LRCH1: variants seen among roughly 807,000 people sequenced by gnomAD.
LRCH1 encodes the protein leucine-rich repeat and calponin homology domain-containing protein 1.
In LRCH1, 23 loss-of-function variants were observed where a neutral mutation model predicts 94.9. The observed-to-expected ratio is 0.24, with a 90% CI of 0.17 to 0.34. The LOEUF is 0.34. Ranked by LOEUF, LRCH1 falls within the 10% of genes least tolerant of loss-of-function variation. The probability of loss-of-function intolerance (pLI) is 1.00; values close to 1 mark genes in which losing one functional copy is unlikely to be tolerated. For missense variants in LRCH1, 790 were observed against 945.9 expected (o/e 0.84, Z 2.16); for synonymous variants, 364 against 354.9 (o/e 1.03, Z -0.29).
intron 1 of LRCH1, among the ~76,000 whole-genome samples, chr13:46,641,368 A>G (rs2051156251): frequency 6.6e-6 from 1 of 152,182 alleles, no homozygotes; most frequent in African/African-American, 2.4e-5. Context: ...AAGAGGGTGG[A>G]GATAACAGAG....
chr13:46,640,888 G>A (rs1354294638), intron 1 of LRCH1, among the ~76,000 whole-genome samples: 8 of 152,218 alleles, frequency 5.3e-5, no homozygotes, highest in Admixed American at 5.2e-4. Flanking sequence ...TCACATTTCT[G>A]TTGTTTGACC....
At chr13:46,590,265 G>C (rs1340153794) in intron 1 of LRCH1, among the ~76,000 whole-genome samples, 1 of 152,014 alleles carries the variant, frequency 6.6e-6, no homozygotes, top group East Asian at 1.9e-4. Context: ...AAGTTGACTG[G>C]GTTTCCTGTC....
chr13:46,653,341 T>C (rs551752371), intron 2 of LRCH1, among the ~76,000 whole-genome samples: 12 of 152,308 alleles, frequency 7.9e-5, no homozygotes, highest in African/African-American at 2.9e-4. Flanking sequence ...TACTGAATCA[T>C]GTGCTCTTTG....
At chr13:46,654,951 AT>A (rs770542153) in intron 2 of LRCH1, among the ~76,000 whole-genome samples, 5 of 152,274 alleles carry the variant, frequency 3.3e-5, no homozygotes, top group South Asian at 2.1e-4. Flanking sequence ...CTGTATTTAG[AT>A]TTTTTTCTTC....
intron 1 of LRCH1, among the ~76,000 whole-genome samples, chr13:46,573,396 A>C (rs1235088542): frequency 6.6e-6 from 1 of 152,206 alleles, no homozygotes; most frequent in African/African-American, 2.4e-5. Context: ...CAAAGGAAAG[A>C]AAATCAGTAC....
intron 17 of LRCH1, among the ~76,000 whole-genome samples, chr13:46,727,585 C>T (rs1872884421): frequency 6.6e-6 from 1 of 152,200 alleles, no homozygotes; most frequent in South Asian, 2.1e-4. Context: ...TCACTGAAAC[C>T]TCTGCCTCCT....
At chr13:46,691,750 C>A (rs1351978835) in intron 7 of LRCH1, among the ~76,000 whole-genome samples, 1 of 152,068 alleles carries the variant, frequency 6.6e-6, no homozygotes, top group Admixed American at 6.5e-5. Flanking sequence ...AGTGCAGTGG[C>A]GCGATCTTGG....
intron 9 of LRCH1, among the ~76,000 whole-genome samples, chr13:46,698,617 C>G (rs989720733): frequency 6.6e-6 from 1 of 152,140 alleles, no homozygotes; most frequent in African/African-American, 2.4e-5. Flanking sequence ...ACACACATCC[C>G]TGCTCTCACA....
In LRCH1 at chr13:46,638,365, A is replaced by G. The variant is rs999734772; in HGVS notation, c.308-11836A>G. Among the ~76,000 whole-genome samples, 13 of 152,342 alleles carry G rather than the reference A, an allele frequency of 8.5e-5. 1 individual carries two copies. The highest frequency in any genetic ancestry group is 2.1e-4 in the South Asian group (1 of 4,826). Reference sequence around the variant, plus strand: ...TTCCTCCTTTGACTTCTTCAGCAATATGTTAAAACTGGCACGGAACCTTTG... The same window carrying G: ...TTCCTCCTTTGACTTCTTCAGCAATGTGTTAAAACTGGCACGGAACCTTTG... On this transcript the variant is annotated intron_variant, in intron 1 of 19. Coordinates refer to ENST00000389797, the MANE Select transcript of LRCH1 (RefSeq NM_001164211.2).
At chr13:46,750,503 C>T (rs1380687496) in intron 18 of LRCH1, 1 of 1,374,736 alleles carries the variant, frequency 7.3e-7, no homozygotes, top group Non-Finnish European at 1.0e-6. Context: ...AGAGTACAAT[C>T]ATCTAAAAAT....
chr13:46,583,529 A>T (rs2050396438), intron 1 of LRCH1, among the ~76,000 whole-genome samples: 1 of 152,156 alleles, frequency 6.6e-6, no homozygotes, highest in Non-Finnish European at 1.5e-5. Context: ...GGCTCCAAAG[A>T]TTGCTTCAGA....
intron 18 of LRCH1, chr13:46,750,442 G>A: frequency 1.2e-6 from 1 of 810,792 alleles, no homozygotes; most frequent in Non-Finnish European, 2.0e-6. Flanking sequence ...GCATACTAGA[G>A]TATTCAACCT....
chr13:46,555,133 G>A (rs2050049974), intron 1 of LRCH1, among the ~76,000 whole-genome samples: 1 of 152,222 alleles, frequency 6.6e-6, no homozygotes, highest in South Asian at 2.1e-4. Context: ...GCAAAAAAGA[G>A]GGAATTTCCA....
intron 1 of LRCH1, among the ~76,000 whole-genome samples, chr13:46,582,337 T>A (rs1427168551): frequency 7.0e-6 from 1 of 143,476 alleles, no homozygotes; most frequent in Non-Finnish European, 1.5e-5. Context: ...TACAAGTCAC[T>A]CCTACCAATG....
At chr13:46,727,340 C>T (rs1872871822) in intron 17 of LRCH1, among the ~76,000 whole-genome samples, 1 of 152,098 alleles carries the variant, frequency 6.6e-6, no homozygotes, top group Non-Finnish European at 1.5e-5. Flanking sequence ...ATCTGAACAA[C>T]AGAGAGAAAA....
At chr13:46,624,366 T>G (rs979622273) in intron 1 of LRCH1, among the ~76,000 whole-genome samples, 1 of 152,214 alleles carries the variant, frequency 6.6e-6, no homozygotes, top group Non-Finnish European at 1.5e-5. Flanking sequence ...GGAAAGCACT[T>G]TGGGAATTGG....
At chr13:46,633,982 C>T (rs867137194) in intron 1 of LRCH1, among the ~76,000 whole-genome samples, 10 of 151,206 alleles carry the variant, frequency 6.6e-5, no homozygotes, top group South Asian at 4.2e-4. Flanking sequence ...CGGGTTCAAG[C>T]GATTCTCCTG....
chr13:46,614,751 A>C (rs2050786276), intron 1 of LRCH1, among the ~76,000 whole-genome samples: 1 of 152,184 alleles, frequency 6.6e-6, no homozygotes, highest in Admixed American at 6.5e-5. Flanking sequence ...CTCAGATGAA[A>C]GGTATTATGA....
At chr13:46,582,072 C>G (rs995828042) in intron 1 of LRCH1, among the ~76,000 whole-genome samples, 1 of 150,432 alleles carries the variant, frequency 6.6e-6, no homozygotes, top group African/African-American at 2.4e-5. Flanking sequence ...ATCGCTTGAA[C>G]CTGGGAGGCG....
Sources: allele counts gnomAD v4.1 joint callset (sites outside exome capture counted in the v4.1 genomes callset), GRCh38; gene constraint gnomAD v4.1.1; transcripts MANE v1.5; gene names NCBI Gene and HGNC (gene_info 2026-07-23, HGNC 2026-07-21).